CTNNA2: variants seen among roughly 807,000 people sequenced by gnomAD.
CTNNA2 encodes catenin alpha 2.
In CTNNA2, 42 loss-of-function variants were observed where a neutral mutation model predicts 101.0. That is an observed-to-expected ratio of 0.42 (90% CI 0.32 to 0.54). CTNNA2 has a LOEUF of 0.54. Ranked by LOEUF, CTNNA2 falls within the 20% of genes least tolerant of loss-of-function variation. CTNNA2 has a pLI of 0.14. For missense variants in CTNNA2, 871 were observed against 1,223.1 expected (o/e 0.71, Z 4.29); for synonymous variants, 450 against 456.4 (o/e 0.99, Z 0.18).
At chr2:79,635,696 G>C (rs983407610) in intron 1 of CTNNA2, among the ~76,000 whole-genome samples, 2 of 150,882 alleles carry the variant, frequency 1.3e-5, no homozygotes, top group African/African-American at 4.9e-5. Flanking sequence ...TAGAGACGGG[G>C]TTTCAACATG....
chr2:79,811,503 C>A (rs1015895736), intron 3 of CTNNA2, among the ~76,000 whole-genome samples: 2 of 151,980 alleles, frequency 1.3e-5, no homozygotes, highest in South Asian at 4.2e-4. Flanking sequence ...TAGTTTCTTT[C>A]GCCTTTTCAC....
At chr2:79,892,964 A>T (rs1459327842) in intron 6 of CTNNA2, among the ~76,000 whole-genome samples, 3 of 152,188 alleles carry the variant, frequency 2.0e-5, no homozygotes, top group African/African-American at 4.8e-5. Flanking sequence ...AAAGTAAATT[A>T]CCAAAGCACT....
At chr2:79,681,452 T>C (rs910379971) in intron 2 of CTNNA2, among the ~76,000 whole-genome samples, 2 of 152,208 alleles carry the variant, frequency 1.3e-5, no homozygotes, top group Non-Finnish European at 2.9e-5. Context: ...ATGTAATCTT[T>C]CTCTTTTCTC....
intron 7 of CTNNA2, among the ~76,000 whole-genome samples, chr2:80,357,120 A>G (rs887591166): frequency 6.6e-6 from 1 of 152,160 alleles, no homozygotes; most frequent in South Asian, 2.1e-4. Flanking sequence ...GTGAATGGTT[A>G]TGATAGAAAA....
chr2:79,518,783 T>G (rs1416638767), intron 1 of CTNNA2, among the ~76,000 whole-genome samples: 1 of 152,200 alleles, frequency 6.6e-6, no homozygotes, highest in Non-Finnish European at 1.5e-5. Context: ...TGTACTCAAT[T>G]GTTTCCGGGA....
intron 8 of CTNNA2, among the ~76,000 whole-genome samples, chr2:80,403,874 T>G (rs1253824496): frequency 1.3e-5 from 2 of 152,228 alleles, no homozygotes; most frequent in Non-Finnish European, 2.9e-5. Flanking sequence ...ACTCATGTGA[T>G]GTTTGTCTTT....
intron 7 of CTNNA2, among the ~76,000 whole-genome samples, chr2:80,364,885 A>T (rs1179049276): frequency 2.0e-5 from 3 of 152,228 alleles, no homozygotes; most frequent in African/African-American, 7.2e-5. Context: ...CTTGATATGT[A>T]GCTGGGCTCT....
intron 7 of CTNNA2, among the ~76,000 whole-genome samples, chr2:80,260,984 T>C (rs905474135): frequency 2.0e-5 from 3 of 152,202 alleles, no homozygotes; most frequent in African/African-American, 7.2e-5. Flanking sequence ...TCTGCCCTTA[T>C]GGTGCTGACA....
At chr2:79,761,327 C>G (rs1014346163) in intron 3 of CTNNA2, among the ~76,000 whole-genome samples, 2 of 152,094 alleles carry the variant, frequency 1.3e-5, no homozygotes, top group Admixed American at 6.5e-5. Flanking sequence ...GTTTTAACAA[C>G]CCAAGGGTAG....
At chr2:80,366,099 C>CA (rs1227157362) in intron 7 of CTNNA2, among the ~76,000 whole-genome samples, 1 of 152,116 alleles carries the variant, frequency 6.6e-6, no homozygotes, top group African/African-American at 2.4e-5. Flanking sequence ...CTTAACATCC[C>CA]AAATACCAGT....
chr2:79,512,802 G>T (rs1671590486), upstream of CTNNA2, among the ~76,000 whole-genome samples: 1 of 151,238 alleles, frequency 6.6e-6, no homozygotes. Context: ...CGCTCCCCAG[G>T]CCGCGCGCGC....
chr2:80,389,900 T>C (rs1251989113), intron 7 of CTNNA2, among the ~76,000 whole-genome samples: 1 of 152,118 alleles, frequency 6.6e-6, no homozygotes, highest in Non-Finnish European at 1.5e-5. Flanking sequence ...ATCACAAATA[T>C]TACACAAACA....
At position 79,243,009 on chromosome 2, in the gene CTNNA2, C is replaced by CAT. The variant is rs1462228102; in HGVS notation, c.-406+44934_-406+44935insTA. On this transcript the variant is annotated intron_variant, in intron 2 of 21. Coordinates refer to the CTNNA2 transcript ENST00000466387. ...ATATATATATACACACACACACACA[C>CAT]ACACACACACACACACACACGTTAA... Among the ~76,000 whole-genome samples, 432 of 120,184 alleles carry CAT rather than the reference C, an allele frequency of 3.6e-3. 2 individuals are homozygous for CAT. Among genetic ancestry groups the CAT allele is most frequent in the African/African-American group, 0.012 (422 of 36,486 alleles). 78.8% of individuals were successfully genotyped at this position (120,184 alleles called of 152,430 possible).
chr2:79,416,154 C>G (rs1573155955), intron 4 of CTNNA2, among the ~76,000 whole-genome samples: 1 of 151,756 alleles, frequency 6.6e-6, no homozygotes, highest in Non-Finnish European at 1.5e-5. Flanking sequence ...CCTCAATGTA[C>G]TGACTTTTTC....
rs1053398109 is a variant in CTNNA2, at chr2:80,318,999, G to T, written c.1057-74212G>T. The stretch of plus-strand genomic sequence containing the variant: ...AATTTTAAAAAGATAATATGCTAGT[G>T]GCTTATCTCTGTGCTTTAGAAGGTA... On this transcript the variant is annotated intron_variant, in intron 7 of 18. Coordinates refer to ENST00000402739, the MANE Select transcript of CTNNA2 (RefSeq NM_001282597.3). 3.7e-4 allele frequency among the ~76,000 whole-genome samples: 57 copies of T among 152,042 alleles called. 1 individual carries two copies. The highest frequency in any genetic ancestry group is 1.2e-3 in the African/African-American group (51 of 41,384).
In CTNNA2 at chr2:79,886,611, C is replaced by T. The variant is rs558252237; in HGVS notation, c.852+12269C>T. 2.9e-4 allele frequency among the ~76,000 whole-genome samples: 44 copies of T among 151,042 alleles called. No homozygotes were observed. The South Asian group carries it at 5.1e-3, about 17-fold the overall frequency. ...CTAAAAATACAAAAAATTAGTTAGG[C>T]GTGGTGGCGGGCACCTGTAGTCCCA... On this transcript the variant is annotated intron_variant, in intron 6 of 18. Transcript: ENST00000402739.
chr2:79,413,916 T>G (rs2104494725), intron 4 of CTNNA2, among the ~76,000 whole-genome samples: 1 of 148,020 alleles, frequency 6.8e-6, no homozygotes, highest in Non-Finnish European at 1.5e-5. Flanking sequence ...GATTGTTTTC[T>G]TACTATTGAG....
chr2:79,374,074 A>G (rs771855865), intron 4 of CTNNA2: 4 of 152,902 alleles, frequency 2.6e-5, no homozygotes, highest in Non-Finnish European at 4.4e-5. Flanking sequence ...ACTAATTCCA[A>G]TTAAGAATAT....
chr2:79,568,755 C>T (rs926307823), intron 1 of CTNNA2, among the ~76,000 whole-genome samples: 2 of 150,846 alleles, frequency 1.3e-5, no homozygotes, highest in Admixed American at 6.6e-5. Flanking sequence ...GGCACGGTGG[C>T]TCACACCTGT....
Sources: allele counts gnomAD v4.1 joint callset (sites outside exome capture counted in the v4.1 genomes callset), GRCh38; gene constraint gnomAD v4.1.1; transcripts MANE v1.5; gene names NCBI Gene and HGNC (gene_info 2026-07-23, HGNC 2026-07-21).